Variants in PRKAR1A observed in about 807,000 individuals in gnomAD.
The protein encoded by PRKAR1A is cAMP-dependent protein kinase type I-alpha regulatory subunit.
Under a neutral mutation model 52.0 loss-of-function variants are expected in PRKAR1A, and 3 were observed. That is an observed-to-expected ratio of 0.06 (90% CI 0.03 to 0.15). PRKAR1A has a LOEUF of 0.15. Ranked by LOEUF, PRKAR1A falls within the 10% of genes least tolerant of loss-of-function variation. The pLI, the probability that PRKAR1A is intolerant of heterozygous loss-of-function variation, is 1.00. For synonymous variants in PRKAR1A, 188 were observed against 168.4 expected (o/e 1.12, Z -0.90); for missense variants, 240 against 477.4 (o/e 0.50, Z 4.63).
chr17:68,496,952 T>C, the PRKAR1A span, among the ~76,000 whole-genome samples: 7 of 144,348 alleles, frequency 4.8e-5, no homozygotes, highest in Non-Finnish European at 9.0e-5. Flanking sequence ...GCCCCACAAA[T>C]AGCTGGGACT....
At chr17:68,536,083 C>G (rs1270475754), downstream of PRKAR1A, 1 of 453,988 alleles carries the variant, frequency 2.2e-6, no homozygotes, top group African/African-American at 2.0e-5. Context: ...TTTAGAGAGA[C>G]ACAAAGTCCA....
intron 11 of PRKAR1A, among the ~76,000 whole-genome samples, chr17:68,549,074 CTG>C (rs954051403): frequency 2.0e-5 from 3 of 152,150 alleles, no homozygotes; most frequent in African/African-American, 7.2e-5. Flanking sequence ...ATGTATTAGG[CTG>C]TGAGTTATGT....
At chr17:68,537,665 A>G, downstream of PRKAR1A, 1 of 1,613,916 alleles carries the variant, frequency 6.2e-7, no homozygotes, top group South Asian at 1.1e-5. This position sits in a 1 kb window ranked among gnomAD's most constrained non-coding sequence, Gnocchi z 4.2. Flanking sequence ...TCCAGCAGTG[A>G]TTCTCGCATC....
the PRKAR1A span, chr17:68,457,512 T>C: frequency 8.5e-6 from 9 of 1,057,554 alleles, no homozygotes; most frequent in Non-Finnish European, 1.1e-5. Flanking sequence ...GGGTCGCCGG[T>C]CCTGCCCCGC....
the PRKAR1A span, among the ~76,000 whole-genome samples, chr17:68,471,926 G>A: frequency 5.9e-5 from 9 of 152,030 alleles, no homozygotes; most frequent in East Asian, 5.8e-4. Context: ...TCAGCCTCCC[G>A]AGTAGCTGGG....
At chr17:68,542,206 T>C in intron 11 of PRKAR1A, 1 of 1,607,684 alleles carries the variant, frequency 6.2e-7, no homozygotes, top group Non-Finnish European at 8.5e-7. Flanking sequence ...AGTGGAGGGC[T>C]CTGGAGGCAT....
chr17:68,482,316 G>A, the PRKAR1A span, among the ~76,000 whole-genome samples: 2 of 152,274 alleles, frequency 1.3e-5, no homozygotes, highest in Admixed American at 6.5e-5. Flanking sequence ...AAAACCTTAC[G>A]AAGATGTTAT....
At chr17:68,463,982 C>T in the PRKAR1A span, among the ~76,000 whole-genome samples, 1 of 152,184 alleles carries the variant, frequency 6.6e-6, no homozygotes, top group Non-Finnish European at 1.5e-5. Flanking sequence ...ACTTTCCAAG[C>T]TTATTTAAAG....
intron 11 of PRKAR1A, chr17:68,541,059 A>T: frequency 6.5e-7 from 1 of 1,527,400 alleles, no homozygotes; most frequent in Non-Finnish European, 8.8e-7. Flanking sequence ...TGCCTCCCTG[A>T]TCCTGCCCTG....
chr17:68,522,938 A>G lies in PRKAR1A; in HGVS notation c.348+12A>G. ...CCTATGTTAGAAAGGTAGTTTTGAT[A>G]TTTGAATATCGGGGGGATGCTTTTG... is the stretch of plus-strand genomic sequence containing the variant. On this transcript the variant is annotated intron_variant, in intron 3 of 10. Transcript: ENST00000589228. 2 of 1,613,010 alleles carry G rather than the reference A, an allele frequency of 1.2e-6. No homozygotes were observed. The highest frequency in any genetic ancestry group is 1.1e-5 in the South Asian group (1 of 91,056).
At chr17:68,461,728 G>A in the PRKAR1A span, among the ~76,000 whole-genome samples, 2 of 152,190 alleles carry the variant, frequency 1.3e-5, no homozygotes, top group Non-Finnish European at 2.9e-5. This position sits in a 1 kb window ranked among gnomAD's most constrained non-coding sequence, Gnocchi z 4.6. Context: ...AGGAGGAAGG[G>A]CCCTGGGACA....
rs2143397341 is a variant in PRKAR1A at position 68,531,089 on chromosome 17, A to G, written c.*640A>G. 1 of 1,067,142 alleles carries G rather than the reference A, an allele frequency of 9.4e-7. No individual in the cohort carries two copies. Among genetic ancestry groups the G allele is most frequent in the Non-Finnish European group, 1.1e-6 (1 of 880,540 alleles). 66.1% of individuals were successfully genotyped at this position (1,067,142 alleles called of 1,614,324 possible). ...TGCCTGGTTTTATTTATATCTTGTT[A>G]TTAATGTTTCTTCTCCAATTCTGAA... On this transcript the variant is annotated 3_prime_UTR_variant, in exon 11 of 11. Coordinates refer to ENST00000589228, the MANE Select transcript of PRKAR1A (RefSeq NM_002734.5).
At chr17:68,444,365 G>A in the PRKAR1A span, 1 of 803,528 alleles carries the variant, frequency 1.2e-6, no homozygotes, top group African/African-American at 1.7e-5. Context: ...AAAGCTTCGA[G>A]ATAAACCTCA....
At chr17:68,487,355 T>A in the PRKAR1A span, among the ~76,000 whole-genome samples, 1 of 152,208 alleles carries the variant, frequency 6.6e-6, no homozygotes, top group Non-Finnish European at 1.5e-5. Flanking sequence ...TGTTTTCAAA[T>A]GAAGGCTACC....
At chr17:68,541,853 T>C (rs144286154) in intron 11 of PRKAR1A, 5 of 1,100,480 alleles carry the variant, frequency 4.5e-6, no homozygotes, top group Non-Finnish European at 6.6e-6. Context: ...GATCCCAGGA[T>C]CAATATGAAA....
upstream of PRKAR1A, among the ~76,000 whole-genome samples, chr17:68,508,654 T>C (rs1331867673): frequency 6.6e-6 from 1 of 152,212 alleles, no homozygotes; most frequent in Non-Finnish European, 1.5e-5. Flanking sequence ...CCTGCACCTG[T>C]ACCCCTGAAT....
At chr17:68,526,667 A>C (rs901801739) in intron 7 of PRKAR1A, among the ~76,000 whole-genome samples, 1 of 152,124 alleles carries the variant, frequency 6.6e-6, no homozygotes, top group Non-Finnish European at 1.5e-5. Context: ...ATAACACAGG[A>C]ACAGAAAACC....
the PRKAR1A span, chr17:68,427,300 T>C: frequency 3.5e-6 from 5 of 1,411,092 alleles, no homozygotes; most frequent in Middle Eastern, 1.8e-4. Context: ...GAAATCATCA[T>C]ATATCTAGGA....
At chr17:68,514,887 A>G (rs1012910926) in intron 1 of PRKAR1A, 1 of 163,470 alleles carries the variant, frequency 6.1e-6, no homozygotes, top group Admixed American at 6.0e-5. Context: ...TCCTCACTCC[A>G]GTGGTTTGCT....
Sources: gnomAD v4.1 joint callset for allele counts (sites outside exome capture counted in the v4.1 genomes callset) on GRCh38, gnomAD v4.1.1 for gene constraint, Gnocchi (gnomAD v3.1) non-coding constraint, MANE v1.5 for transcripts, NCBI Gene and HGNC (gene_info 2026-07-23, HGNC 2026-07-21) for gene names.